BICRA: variants seen among roughly 807,000 people sequenced by gnomAD.
BICRA encodes the protein BRD4 interacting chromatin remodeling complex associated protein, also known as BRD4-interacting chromatin-remodeling complex-associated protein.
Under a neutral mutation model 96.9 loss-of-function variants are expected in BICRA, and 31 were observed. The observed-to-expected ratio is 0.32, with a 90% confidence interval of 0.24 to 0.43. BICRA has a LOEUF of 0.43. Among genes scored for constraint, BICRA ranks in the 20% least tolerant of loss-of-function variants. BICRA has a pLI of 1.00. For missense variants in BICRA, 2,283 were observed against 2,190.3 expected, an observed-to-expected ratio of 1.04 and a Z score of -0.84; for synonymous variants, 1,350 against 1,071.8, an observed-to-expected ratio of 1.26 and a Z score of -5.07.
intron 7 of BICRA, among the ~76,000 whole-genome samples, chr19:47,684,235 T>G (rs569388828): frequency 6.6e-6 from 1 of 152,306 alleles, no homozygotes; most frequent in African/African-American, 2.4e-5. Flanking sequence ...TAGGCTGCAG[T>G]GCAGTGGCAA....
chr19:47,620,714 A>G (rs1972053730), intron 1 of BICRA, among the ~76,000 whole-genome samples: 1 of 150,196 alleles, frequency 6.7e-6, no homozygotes, highest in Admixed American at 6.7e-5. Context: ...ACATGCTTCC[A>G]AATGACCAGG....
intron 7 of BICRA, among the ~76,000 whole-genome samples, chr19:47,689,993 C>T (rs1446306969): frequency 1.3e-5 from 2 of 151,978 alleles, no homozygotes; most frequent in African/African-American, 4.8e-5. Flanking sequence ...AACTTGTTCA[C>T]CTGTTTTGTT....
At position 47,681,057 on chromosome 19, in the gene BICRA, C is replaced by T; in HGVS notation, c.1887C>T (p.Pro629=). The T allele has an allele frequency of 3.5e-6, 5 of 1,408,564 alleles. No homozygotes were observed. In the South Asian group the frequency reaches 5.9e-5, roughly 17 times the overall value. 87.3% of individuals were successfully genotyped at this position (1,408,564 alleles called of 1,614,324 possible). Residue 629 remains proline, a synonymous_variant, in exon 6 of 15, where the codon CCC becomes CCT. Transcript: ENST00000594866. ...TGCAGCCTGCCCCCCAGGCGCCCCC[C>T]GCGGTCAGCACACCCCTGCCCCTGG... ...LTVQPAPQAP[P]AVSTPLPLGL...
rs561474129 is a variant in BICRA, at chr19:47,652,253, A to G, written c.-107-18190A>G. On this transcript the variant is annotated intron_variant, in intron 1 of 14. Coordinates refer to ENST00000594866, the MANE Select transcript of BICRA (RefSeq NM_001394372.1). ...CAGGCTGGAGTGCAATCGTGTGACC[A>G]TGGCTCACTGCAGCCTCGACCTCCC... Among the ~76,000 whole-genome samples the G allele has an allele frequency of 5.9e-5, 9 of 152,164 alleles. No homozygotes were observed. In the East Asian group the frequency reaches 1.5e-3, roughly 26 times the overall value.
intron 1 of BICRA, among the ~76,000 whole-genome samples, chr19:47,668,290 A>C (rs530354275): frequency 1.3e-5 from 2 of 152,154 alleles, no homozygotes; most frequent in African/African-American, 4.8e-5. Context: ...TTGCGAATTC[A>C]CCTACTTGCG....
intron 1 of BICRA, among the ~76,000 whole-genome samples, chr19:47,627,811 C>T (rs1972162631): frequency 1.3e-5 from 2 of 152,090 alleles, no homozygotes; most frequent in African/African-American, 4.8e-5. Flanking sequence ...GCTCTGTTGC[C>T]CAGGCTGGAG....
rs553314570 is a variant in BICRA at position 47,612,651 on chromosome 19, C to G, written c.-108+3483C>G. On this transcript the variant is annotated intron_variant, in intron 1 of 14. Coordinates refer to ENST00000594866, the MANE Select transcript of BICRA (RefSeq NM_001394372.1). ...TGAGGGAGAGGGGCTGGGGGGCTGACGGAGAGGGGCTGGACCCAGCTCACC... is the reference window on the plus strand; with the variant it reads ...TGAGGGAGAGGGGCTGGGGGGCTGAGGGAGAGGGGCTGGACCCAGCTCACC... 1.7e-4 allele frequency among the ~76,000 whole-genome samples: 26 copies of G among 151,634 alleles called. No individual in the cohort carries two copies. In the East Asian group the frequency reaches 3.7e-3, roughly 22 times the overall value.
Position 47,701,695 on chromosome 19 carries a change from C to T in BICRA, c.3963C>T (p.Val1321=). 6 of 1,602,984 alleles carry T rather than the reference C, an allele frequency of 3.7e-6. No homozygotes were observed. The highest frequency in any genetic ancestry group is 5.1e-6 in the Non-Finnish European group (6 of 1,175,624). Reference sequence around the variant, plus strand: ...AGCAGGAAGCCGGGCTCAGCAAGGTCGTGCACAACACGGCCCTGGACCCCG... The same window carrying T: ...AGCAGGAAGCCGGGCTCAGCAAGGTTGTGCACAACACGGCCCTGGACCCCG... The part of the protein sequence containing the change: ...KIKQEAGLSK[V]VHNTALDPVH... Residue 1321 remains valine (V), a synonymous_variant, in exon 15 of 15, where the codon GTC becomes GTT. Transcript: ENST00000594866. This position sits in a 1 kb window ranked among gnomAD's most constrained non-coding sequence, Gnocchi z 5.4.
intron 1 of BICRA, among the ~76,000 whole-genome samples, chr19:47,630,684 C>A (rs1972209446): frequency 6.6e-6 from 1 of 152,142 alleles, no homozygotes; most frequent in Non-Finnish European, 1.5e-5. Context: ...TGGGTCATGT[C>A]CCCTTTTTGC....
intron 1 of BICRA, among the ~76,000 whole-genome samples, chr19:47,617,432 C>T (rs917767763): frequency 2.0e-5 from 3 of 151,726 alleles, no homozygotes; most frequent in African/African-American, 7.3e-5. Flanking sequence ...GGCGCCATAT[C>T]GGCTCACTGC....
At chr19:47,641,408 C>T (rs1972384488) in intron 1 of BICRA, among the ~76,000 whole-genome samples, 2 of 152,130 alleles carry the variant, frequency 1.3e-5, no homozygotes. Flanking sequence ...CTCCCTACCC[C>T]CTGGCTCAGG....
Position 47,681,009 on chromosome 19 carries a change from G to A in BICRA, c.1839G>A (p.Gly613=). Residue 613 remains glycine, a synonymous_variant, in exon 6 of 15, where the codon GGG becomes GGA. Coordinates refer to ENST00000594866, the MANE Select transcript of BICRA (RefSeq NM_001394372.1). ...CGGCCACCCCTGCCGCTGCCACCGG[G>A]GAGGCCGCGCCTGTCCTCACGGTGC... ...VQPATPAAAT[G]EAAPVLTVQP... is the part of the protein sequence containing the mutation. 6.9e-7 allele frequency: 1 copy of A among 1,455,836 alleles called. No individual in the cohort carries two copies. Among genetic ancestry groups the A allele is most frequent in the Non-Finnish European group, 9.0e-7 (1 of 1,112,888 alleles). 90.2% of individuals were successfully genotyped at this position (1,455,836 alleles called of 1,614,324 possible). A position where few individuals can be genotyped will look rare whatever the true frequency, so the allele number is the denominator to read the frequency against.
At position 47,680,792 on chromosome 19, in the gene BICRA, T is replaced by A; in HGVS notation, c.1622T>A (p.Ile541Asn). ...CACTCCGGGGCCCACAGCGCGCACA[T>A]CCTCTCCGCCGCTCCCATCCAGGTG... Reference protein sequence around the residue: ...APHSGAHSAHILSAAPIQVGQ... With the variant: ...APHSGAHSAHNLSAAPIQVGQ... The change falls in exon 6 of 15, where the codon ATC becomes AAC. Residue 541 changes from isoleucine (I) to asparagine (N), a missense_variant. Ile to Asn is a moderately radical substitution (Grantham distance 149). Coordinates refer to ENST00000594866, the MANE Select transcript of BICRA (RefSeq NM_001394372.1). 6.2e-7 allele frequency: 1 copy of A among 1,609,298 alleles called. No homozygotes were observed. The highest frequency in any genetic ancestry group is 2.2e-5 in the East Asian group (1 of 44,692).
At chr19:47,670,603 C>T (rs1014139290) in intron 2 of BICRA, 59 bp downstream of exon 2, 4 of 152,278 alleles carry the variant, frequency 2.6e-5, no homozygotes, top group African/African-American at 9.7e-5. Flanking sequence ...CATTCCACCT[C>T]CCCAGCACCA....
At position 47,667,753 on chromosome 19, in the gene BICRA, G is replaced by A. The variant is rs558545537; in HGVS notation, c.-107-2690G>A. Among the ~76,000 whole-genome samples the A allele has an allele frequency of 7.2e-5, 11 of 152,230 alleles. No individual in the cohort carries two copies. The East Asian group carries it at 1.4e-3, about 19-fold the overall frequency. On this transcript the variant is annotated intron_variant, in intron 1 of 14. Transcript: ENST00000594866. ...GTCCCTTTATCTCCTTTTCCAATCCGAAGCATCCCAGGCATTCATAAAATG... is the reference window on the plus strand; with the variant it reads ...GTCCCTTTATCTCCTTTTCCAATCCAAAGCATCCCAGGCATTCATAAAATG...
At position 47,652,527 on chromosome 19, in the gene BICRA, G is replaced by A. The variant is rs183937008; in HGVS notation, c.-107-17916G>A. Among the ~76,000 whole-genome samples, 16 of 152,180 alleles carry A rather than the reference G, an allele frequency of 1.1e-4. No individual in the cohort carries two copies. In the East Asian group the frequency reaches 2.3e-3, roughly 22 times the overall value. Reference sequence around the variant, plus strand: ...ATAGACATCAGCAGTCAGGCAGTGTGGCATCTTGGAAAGCAGCCAAGGCTT... The same window carrying A: ...ATAGACATCAGCAGTCAGGCAGTGTAGCATCTTGGAAAGCAGCCAAGGCTT... On this transcript the variant is annotated intron_variant, in intron 1 of 14. Coordinates refer to ENST00000594866, the MANE Select transcript of BICRA (RefSeq NM_001394372.1).
intron 1 of BICRA, among the ~76,000 whole-genome samples, chr19:47,622,401 C>T (rs1316099743): frequency 6.8e-6 from 1 of 146,918 alleles, no homozygotes; most frequent in African/African-American, 2.5e-5. Flanking sequence ...CTGAGTGTAA[C>T]TTGGTTTCTA....
chr19:47,667,702 T>C (rs1320440119), intron 1 of BICRA, among the ~76,000 whole-genome samples: 1 of 152,184 alleles, frequency 6.6e-6, no homozygotes, highest in Non-Finnish European at 1.5e-5. Context: ...TCGCCACTCC[T>C]GTTCCTTCCT....
rs1453276046 is a variant in BICRA, at chr19:47,680,534, G to A, written c.1364G>A (p.Gly455Asp). ...ATGAGCGTCCACCTCCTGAACCAAG[G>A]CAGCAGCATCGTCATCCCCGCCCAG... Reference protein sequence around the residue: ...KPMSVHLLNQGSSIVIPAQHM... With the variant: ...KPMSVHLLNQDSSIVIPAQHM... The change falls in exon 6 of 15, where the codon GGC becomes GAC. Residue 455 changes from glycine to aspartate, a missense_variant. By Grantham distance (94) the Gly-to-Asp change is moderately conservative (BLOSUM62 -1). Coordinates refer to ENST00000594866, the MANE Select transcript of BICRA (RefSeq NM_001394372.1). The A allele has an allele frequency of 2.6e-6, 4 of 1,557,822 alleles. No individual in the cohort carries two copies. Among genetic ancestry groups the A allele is most frequent in the East Asian group, 2.4e-5 (1 of 41,578 alleles).
Sources: gnomAD v4.1 joint callset for allele counts (sites outside exome capture counted in the v4.1 genomes callset) on GRCh38, gnomAD v4.1.1 for gene constraint, Gnocchi (gnomAD v3.1) non-coding constraint, MANE v1.5 for transcripts, NCBI Gene and HGNC (gene_info 2026-07-23, HGNC 2026-07-21) for gene names.